The following PPP1CB variants were observed in gnomAD, a reference collection of about 807,000 sequenced individuals.
PPP1CB encodes protein phosphatase 1 catalytic subunit beta.
A neutral mutation model predicts 43.7 loss-of-function variants in PPP1CB; 2 were observed. That is an observed-to-expected ratio of 0.05 (90% CI 0.02 to 0.14). The LOEUF (loss-of-function observed/expected upper bound fraction) is 0.14. PPP1CB is among the 10% of genes least tolerant of loss of function. The probability of loss-of-function intolerance (pLI) is 1.00; values close to 1 mark genes in which losing one functional copy is unlikely to be tolerated. For synonymous variants in PPP1CB, 136 were observed against 135.6 expected (o/e 1.00, Z -0.02); for missense variants, 84 against 398.0 (o/e 0.21, Z 6.71).
rs908224547 is a variant in PPP1CB at position 28,763,978 on chromosome 2, G to C, written c.52+11802G>C. On this transcript the variant is annotated intron_variant, in intron 1 of 7. Transcript: ENST00000395366. ...AGCCTCCCAGAATGCTGGGATTACA[G>C]GCATGAGCCACCATGCCCGGCCCAC... 2.0e-5 allele frequency among the ~76,000 whole-genome samples: 3 copies of C among 151,972 alleles called. No homozygotes were observed. In the South Asian group the frequency reaches 6.2e-4, roughly 32 times the overall value.
intron 1 of PPP1CB, among the ~76,000 whole-genome samples, chr2:28,772,420 A>G (rs1256986062): frequency 1.3e-5 from 2 of 152,230 alleles, no homozygotes; most frequent in African/African-American, 4.8e-5. Flanking sequence ...AATTTGCAGT[A>G]TCAGTAAAGA....
At chr2:28,792,509 G>A (rs537733877) in intron 6 of PPP1CB, among the ~76,000 whole-genome samples, 3 of 152,074 alleles carry the variant, frequency 2.0e-5, no homozygotes, top group Non-Finnish European at 4.4e-5. Context: ...GCAGCAGAGC[G>A]AGACCCTGTC....
At position 28,780,650 on chromosome 2, in the gene PPP1CB, ACAGTG is replaced by A. The variant is rs546720197; in HGVS notation, c.416-1086_416-1082del. Among the ~76,000 whole-genome samples, 11 of 152,330 alleles carry A rather than the reference ACAGTG, an allele frequency of 7.2e-5. No homozygotes were observed. In the South Asian group the frequency reaches 2.1e-3, roughly 29 times the overall value. ...TAATGTATGGGAGAGCAACTTGTAA[ACAGTG>A]CTTTGAGTTATGTACTTACTCATTA... On this transcript the variant is annotated intron_variant, in intron 3 of 7. Transcript: ENST00000395366.
At chr2:28,783,505 CT>C (rs1667198123) in intron 4 of PPP1CB, among the ~76,000 whole-genome samples, 1 of 152,168 alleles carries the variant, frequency 6.6e-6, no homozygotes, top group Non-Finnish European at 1.5e-5. Flanking sequence ...CGCCTGTAAT[CT>C]CAGCACTTTG....
At chr2:28,774,554 T>C (rs1337390495) in intron 1 of PPP1CB, among the ~76,000 whole-genome samples, 2 of 152,048 alleles carry the variant, frequency 1.3e-5, no homozygotes, top group African/African-American at 4.8e-5. Context: ...GCCTCCCAAG[T>C]AGCTGAGATT....
intron 1 of PPP1CB, among the ~76,000 whole-genome samples, chr2:28,771,670 T>C (rs1296688831): frequency 6.6e-6 from 1 of 152,206 alleles, no homozygotes. Context: ...CTGAATCAAC[T>C]GGGTATCTGC....
intron 7 of PPP1CB, 33 bp downstream of exon 7, chr2:28,794,030 A>G: frequency 6.6e-7 from 1 of 1,518,436 alleles, no homozygotes. Context: ...TAAGAACTAG[A>G]AATCTAATAA....
At chr2:28,776,550 G>A (rs766361882) in intron 1 of PPP1CB, among the ~76,000 whole-genome samples, 10 of 152,074 alleles carry the variant, frequency 6.6e-5, no homozygotes, top group East Asian at 1.9e-4. Flanking sequence ...ATGAGCCACC[G>A]TGCCCGGCCC....
chr2:28,799,140 A>C, intron 7 of PPP1CB, 59 bp from the exon 8 acceptor site: 2 of 1,200,024 alleles, frequency 1.7e-6, no homozygotes, highest in Non-Finnish European at 2.4e-6. Flanking sequence ...CAATTGTAAC[A>C]ATTTTCTTAA....
At chr2:28,753,297 A>G (rs1279108252) in intron 1 of PPP1CB, among the ~76,000 whole-genome samples, 1 of 152,250 alleles carries the variant, frequency 6.6e-6, no homozygotes, top group Non-Finnish European at 1.5e-5. Context: ...GTGAAGCAGT[A>G]TGTACTTATA....
intron 1 of PPP1CB, among the ~76,000 whole-genome samples, chr2:28,757,343 G>T (rs1484881556): frequency 6.6e-6 from 1 of 152,116 alleles, no homozygotes; most frequent in Admixed American, 6.5e-5. Flanking sequence ...CAACATTTGT[G>T]TAGAAGTTTT....
intron 3 of PPP1CB, among the ~76,000 whole-genome samples, chr2:28,781,514 C>G (rs998761338): frequency 5.3e-5 from 8 of 152,056 alleles, no homozygotes; most frequent in African/African-American, 1.9e-4. Context: ...CCAGCACAAT[C>G]TTTGAAGTCT....
At chr2:28,775,494 A>G (rs1366787058) in intron 1 of PPP1CB, among the ~76,000 whole-genome samples, 2 of 151,912 alleles carry the variant, frequency 1.3e-5, no homozygotes, top group African/African-American at 2.4e-5. Context: ...TGCAGCCTCA[A>G]CCTCTTGGCC....
Position 28,781,845 on chromosome 2 carries a change from AG to A in PPP1CB, c.520+4del. On this transcript the variant is annotated splice_donor_region_variant and intron_variant, in intron 4 of 7. Coordinates refer to ENST00000395366, the MANE Select transcript of PPP1CB (RefSeq NM_002709.3). ...GAAGATCTTCTGTTGTCATGGAGGTAGACTAGTAAATTTGCCTTACAGATTT... is the reference window on the plus strand; with the variant it reads ...GAAGATCTTCTGTTGTCATGGAGGTAACTAGTAAATTTGCCTTACAGATTT... The A allele has an allele frequency of 6.2e-7, 1 of 1,603,112 alleles. No individual in the cohort carries two copies. Among genetic ancestry groups the A allele is most frequent in the East Asian group, 2.2e-5 (1 of 44,736 alleles).
In PPP1CB at chr2:28,767,814, A is replaced by G. The variant is rs144461746; in HGVS notation, c.53-9037A>G. On this transcript the variant is annotated intron_variant, in intron 1 of 7. Transcript: ENST00000395366. The stretch of plus-strand genomic sequence containing the variant: ...TTAAAAAATGTAAAAAATTATTCTT[A>G]GGCCCCTAGCCATGCAAACACTGGC... 5.6e-3 allele frequency among the ~76,000 whole-genome samples: 847 copies of G among 152,332 alleles called. 2 individuals carry two copies. The highest frequency in any genetic ancestry group is 8.4e-3 in the Admixed American group (129 of 15,306).
At position 28,781,775 on chromosome 2, in the gene PPP1CB, C is replaced by T. The variant is rs759013411; in HGVS notation, c.453C>T (p.Phe151=). ...TTAATATTAAATTGTGGAAGACCTT[C>T]ACTGATTGTTTTAACTGTCTGCCTA... ...RRFNIKLWKT[F]TDCFNCLPIA... Residue 151 remains phenylalanine (F), a synonymous_variant, in exon 4 of 8, where the codon TTC becomes TTT. Transcript: ENST00000395366. 1 of 1,611,406 alleles carries T rather than the reference C, an allele frequency of 6.2e-7. No homozygotes were observed. The highest frequency in any genetic ancestry group is 1.1e-5 in the South Asian group (1 of 90,414).
intron 1 of PPP1CB, among the ~76,000 whole-genome samples, chr2:28,756,426 C>G (rs1463487026): frequency 6.6e-6 from 1 of 152,184 alleles, no homozygotes. Flanking sequence ...CTTGTGATCT[C>G]TTAGTGCGTA....
At chr2:28,788,910 T>A in intron 6 of PPP1CB, 101 bp downstream of exon 6, 1 of 1,218,748 alleles carries the variant, frequency 8.2e-7, no homozygotes, top group Non-Finnish European at 1.1e-6. Context: ...CAGGCTGGAG[T>A]GCAATGGCGC....
chr2:28,794,009 A>G lies in PPP1CB; in HGVS notation c.879+12A>G. On this transcript the variant is annotated intron_variant, in intron 7 of 7. Coordinates refer to ENST00000395366, the MANE Select transcript of PPP1CB (RefSeq NM_002709.3). The stretch of plus-strand genomic sequence containing the variant: ...TGTGTTCATTTCAGGTATGATGTAA[A>G]CATAAATATATAAGAACTAGAAATC... 1 of 1,586,984 alleles carries G rather than the reference A, an allele frequency of 6.3e-7. No homozygotes were observed. Among genetic ancestry groups the G allele is most frequent in the Non-Finnish European group, 8.6e-7 (1 of 1,161,314 alleles).
Sources: allele counts gnomAD v4.1 joint callset (sites outside exome capture counted in the v4.1 genomes callset), GRCh38; gene constraint gnomAD v4.1.1; transcripts MANE v1.5; gene names NCBI Gene and HGNC (gene_info 2026-07-23, HGNC 2026-07-21).